The following TTC36 variants were observed in gnomAD, a reference collection of about 807,000 sequenced individuals.
The protein encoded by TTC36 is tetratricopeptide repeat domain 36, also known as tetratricopeptide repeat protein 36.
A neutral mutation model predicts 17.5 loss-of-function variants in TTC36; 15 were observed. The ratio of observed to expected loss-of-function variants is 0.86; its 90% CI spans 0.57 to 1.32. The LOEUF (loss-of-function observed/expected upper bound fraction) is 1.32. Among genes scored for constraint, TTC36 ranks in the 40% most tolerant of loss-of-function variants. TTC36 has a pLI of 0.00. For synonymous variants in TTC36, 112 were observed against 109.8 expected, an observed-to-expected ratio of 1.02 and a Z score of -0.13; for missense variants, 292 against 260.9, an observed-to-expected ratio of 1.12 and a Z score of -0.82.
Position 118,528,730 on chromosome 11 carries a change from T to C in TTC36, c.246T>C (p.Pro82=). Residue 82 remains proline, a synonymous_variant, in exon 2 of 3, where the codon CCT becomes CCC. Coordinates refer to ENST00000302783, the MANE Select transcript of TTC36 (RefSeq NM_001080441.4). Reference sequence around the variant, plus strand: ...TTGGCCAAGCCATCTGCCTGCTGCCTGAGAGGGCTTCAGCCTACAACAACC... The same window carrying C: ...TTGGCCAAGCCATCTGCCTGCTGCCCGAGAGGGCTTCAGCCTACAACAACC... ...ERFGQAICLL[P]ERASAYNNRA... 6.2e-7 allele frequency: 1 copy of C among 1,613,216 alleles called. No homozygotes were observed. Among genetic ancestry groups the C allele is most frequent in the Non-Finnish European group, 8.5e-7 (1 of 1,179,770 alleles).
At chr11:118,529,399 T>C (rs1296395753) in intron 2 of TTC36, among the ~76,000 whole-genome samples, 1 of 152,150 alleles carries the variant, frequency 6.6e-6, no homozygotes, top group Non-Finnish European at 1.5e-5. Flanking sequence ...GGGGTCAGCG[T>C]GGGACCTGTT....
chr11:118,528,519 C>A, intron 1 of TTC36, 84 bp from the exon 2 acceptor site: 1 of 1,419,796 alleles, frequency 7.0e-7, no homozygotes, highest in South Asian at 1.6e-5. Context: ...TGGCTCAGAT[C>A]TCAGAATTCC....
chr11:118,527,893 G>A (rs1555056161), intron 1 of TTC36: 1 of 525,182 alleles, frequency 1.9e-6, no homozygotes, highest in Non-Finnish European at 3.7e-6. Context: ...GCCAGGTGAT[G>A]TTAAACTCTC....
chr11:118,530,977 C>A lies in TTC36; in HGVS notation c.*61C>A. ...GGGACTGGGCCCTGAACCAATAAAG[C>A]CGTCGGGCCTCACCGACTCCGCCTG... On this transcript the variant is annotated 3_prime_UTR_variant, in exon 3 of 3. Coordinates refer to ENST00000302783, the MANE Select transcript of TTC36 (RefSeq NM_001080441.4). The surrounding 1 kb of genome is among the most constrained non-coding windows in gnomAD (Gnocchi z 5.8). 7.0e-7 allele frequency: 1 copy of A among 1,422,678 alleles called. No homozygotes were observed. 88.1% of individuals were successfully genotyped at this position (1,422,678 alleles called of 1,614,324 possible). A position where few individuals can be genotyped will look rare whatever the true frequency, so the allele number is the denominator to read the frequency against.
In TTC36 at chr11:118,528,767, C is replaced by T. The variant is rs201671031; in HGVS notation, c.283C>T (p.Arg95Trp). 15 of 1,610,808 alleles carry T rather than the reference C, an allele frequency of 9.3e-6. No homozygotes were observed. The highest frequency in any genetic ancestry group is 6.7e-5 in the East Asian group (3 of 44,860). The stretch of plus-strand genomic sequence containing the variant: ...AGCCTACAACAACCGTGCCCAGGCC[C>T]GGCGACTCCAGGGAGACGTGGCAGG... ...ASAYNNRAQA[R>W]RLQGDVAGAL... The change falls in exon 2 of 3, where the codon CGG becomes TGG. Residue 95 changes from arginine (R) to tryptophan (W), a missense_variant. Coordinates refer to ENST00000302783, the MANE Select transcript of TTC36 (RefSeq NM_001080441.4).
In TTC36 at chr11:118,530,205, G is replaced by A. The variant is rs1951183563; in HGVS notation, c.308-449G>A. Among the ~76,000 whole-genome samples the A allele has an allele frequency of 6.6e-6, 1 of 152,230 alleles. No individual in the cohort carries two copies. Among genetic ancestry groups the A allele is most frequent in the Admixed American group, 6.5e-5 (1 of 15,282 alleles). On this transcript the variant is annotated intron_variant, in intron 2 of 2. Coordinates refer to ENST00000302783, the MANE Select transcript of TTC36 (RefSeq NM_001080441.4). This position sits in a 1 kb window ranked among gnomAD's most constrained non-coding sequence, Gnocchi z 5.8. Reference sequence around the variant, plus strand: ...GATTGTACTTGTAAGAAATGATTGTGCGGTTAATATTATTTTTTGAACCCT... The same window carrying A: ...GATTGTACTTGTAAGAAATGATTGTACGGTTAATATTATTTTTTGAACCCT...
At chr11:118,528,452 T>A in intron 1 of TTC36, 151 bp from the exon 2 acceptor site, 1 of 684,612 alleles carries the variant, frequency 1.5e-6, no homozygotes, top group Non-Finnish European at 2.3e-6. Context: ...TGACCTCATC[T>A]CCCCCTACCC....
rs781967754 is a variant in TTC36 at position 118,528,751 on chromosome 11, C to G, written c.267C>G (p.Asn89Lys). 2 of 1,612,482 alleles carry G rather than the reference C, an allele frequency of 1.2e-6. No individual in the cohort carries two copies. Among genetic ancestry groups the G allele is most frequent in the South Asian group, 2.2e-5 (2 of 90,760 alleles). ...CLLPERASAY[N>K]NRAQARRLQG... Reference sequence around the variant, plus strand: ...TGCCTGAGAGGGCTTCAGCCTACAACAACCGTGCCCAGGCCCGGCGACTCC... The same window carrying G: ...TGCCTGAGAGGGCTTCAGCCTACAAGAACCGTGCCCAGGCCCGGCGACTCC... The change falls in exon 2 of 3, where the codon AAC becomes AAG. Residue 89 changes from asparagine (N) to lysine (K), a missense_variant. Coordinates refer to ENST00000302783, the MANE Select transcript of TTC36 (RefSeq NM_001080441.4).
chr11:118,530,897 G>A lies in TTC36; in HGVS notation c.551G>A (p.Arg184His), dbSNP rs1333015525. The part of the protein sequence containing the change: ...MLADMMGQLR[R>H]PRDSR ...GCCGACATGATGGGGCAGCTGCGCC[G>A]CCCCCGTGACAGCCGCTGAGCGCCG... The change falls in exon 3 of 3, where the codon CGC becomes CAC. Residue 184 changes from arginine (R) to histidine (H), a missense_variant. Coordinates refer to ENST00000302783, the MANE Select transcript of TTC36 (RefSeq NM_001080441.4). This position sits in a 1 kb window ranked among gnomAD's most constrained non-coding sequence, Gnocchi z 5.8. The A allele has an allele frequency of 6.7e-7, 1 of 1,503,588 alleles. No individual in the cohort carries two copies. The highest frequency in any genetic ancestry group is 8.8e-7 in the Non-Finnish European group (1 of 1,133,550). The allele number at this position is 1,503,588 out of a possible 1,614,324, so 93.1% of individuals were successfully genotyped here. A position where few individuals can be genotyped will look rare whatever the true frequency, so the allele number is the denominator to read the frequency against.
At position 118,530,923 on chromosome 11, in the gene TTC36, C is replaced by A; in HGVS notation, c.*7C>A. 6.7e-7 allele frequency: 1 copy of A among 1,486,754 alleles called. No homozygotes were observed. Among genetic ancestry groups the A allele is most frequent in the Non-Finnish European group, 8.9e-7 (1 of 1,127,924 alleles). 92.1% of individuals were successfully genotyped at this position (1,486,754 alleles called of 1,614,324 possible). A position where few individuals can be genotyped will look rare whatever the true frequency, so the allele number is the denominator to read the frequency against. On this transcript the variant is annotated 3_prime_UTR_variant, in exon 3 of 3. Transcript: ENST00000302783. The surrounding 1 kb of genome is among the most constrained non-coding windows in gnomAD (Gnocchi z 5.8). ...CCCCCGTGACAGCCGCTGAGCGCCG[C>A]GGACCCGGGCGTCCGCGGGCGAGGG... is the stretch of plus-strand genomic sequence containing the variant.
Position 118,527,494 on chromosome 11 carries a change from C to A in TTC36, c.-1C>A, listed in dbSNP as rs1591320411. The A allele has an allele frequency of 6.2e-7, 1 of 1,611,520 alleles. No individual in the cohort carries two copies. The highest frequency in any genetic ancestry group is 2.2e-5 in the East Asian group (1 of 44,862). On this transcript the variant is annotated 5_prime_UTR_variant, in exon 1 of 3. Coordinates refer to ENST00000302783, the MANE Select transcript of TTC36 (RefSeq NM_001080441.4). ...CTTTTGGGATTTTGGAGTTGAGCAC[C>A]ATGGGGACTCCAAATGATCAGGCAG...
intron 1 of TTC36, chr11:118,527,915 A>T: frequency 2.0e-6 from 1 of 491,456 alleles, no homozygotes; most frequent in South Asian, 1.5e-5. Flanking sequence ...CATTTTTGTC[A>T]TAACAGAGAA....
chr11:118,528,383 C>T (rs1310958485), intron 1 of TTC36, among the ~76,000 whole-genome samples: 1 of 152,122 alleles, frequency 6.6e-6, no homozygotes, highest in Non-Finnish European at 1.5e-5. Flanking sequence ...AATGGGGAAC[C>T]AACCAAGGCC....
Position 118,528,620 on chromosome 11 carries a change from G to A in TTC36, c.136G>A (p.Ala46Thr). 2 of 1,573,468 alleles carry A rather than the reference G, an allele frequency of 1.3e-6. No homozygotes were observed. Among genetic ancestry groups the A allele is most frequent in the Non-Finnish European group, 1.7e-6 (2 of 1,156,546 alleles). ...EREEDEVFPQ[A>T]QLEQSKALEL... is the part of the protein sequence containing the mutation. The stretch of plus-strand genomic sequence containing the variant: ...TGGCCCAGATGAAGTTTTCCCTCAA[G>A]CACAGCTGGAACAGTCCAAGGCCCT... Residue 46 changes from alanine (A) to threonine (T), a missense_variant, in exon 2 of 3, where the codon GCA becomes ACA. Coordinates refer to ENST00000302783, the MANE Select transcript of TTC36 (RefSeq NM_001080441.4).
chr11:118,528,524 A>T, intron 1 of TTC36, 79 bp from the exon 2 acceptor site: 1 of 1,441,360 alleles, frequency 6.9e-7, no homozygotes, highest in Non-Finnish European at 9.3e-7. Flanking sequence ...CAGATCTCAG[A>T]ATTCCAAAGC....
chr11:118,529,709 TTATCTGCC>T (rs1565326313), intron 2 of TTC36, among the ~76,000 whole-genome samples: 1 of 152,180 alleles, frequency 6.6e-6, no homozygotes, highest in East Asian at 1.9e-4. Flanking sequence ...TTATCCAGGC[TTATCTGCC>T]CCAGATCACT....
chr11:118,530,937 C>A lies in TTC36; in HGVS notation c.*21C>A, dbSNP rs1377833516. 1 of 1,481,116 alleles carries A rather than the reference C, an allele frequency of 6.8e-7. No individual in the cohort carries two copies. The highest frequency in any genetic ancestry group is 8.9e-7 in the Non-Finnish European group (1 of 1,125,688). The allele number at this position is 1,481,116 out of a possible 1,614,324, so 91.7% of individuals were successfully genotyped here. A position where few individuals can be genotyped will look rare whatever the true frequency, so the allele number is the denominator to read the frequency against. On this transcript the variant is annotated 3_prime_UTR_variant, in exon 3 of 3. Transcript: ENST00000302783. The surrounding 1 kb of genome is among the most constrained non-coding windows in gnomAD (Gnocchi z 5.8). Reference sequence around the variant, plus strand: ...GCTGAGCGCCGCGGACCCGGGCGTCCGCGGGCGAGGGGACGGGACTGGGCC... The same window carrying A: ...GCTGAGCGCCGCGGACCCGGGCGTCAGCGGGCGAGGGGACGGGACTGGGCC...
At position 118,530,979 on chromosome 11, in the gene TTC36, G is replaced by C. The variant is rs1951217476; in HGVS notation, c.*63G>C. 1 of 1,421,386 alleles carries C rather than the reference G, an allele frequency of 7.0e-7. No individual in the cohort carries two copies. Among genetic ancestry groups the C allele is most frequent in the East Asian group, 2.9e-5 (1 of 33,986 alleles). The allele number at this position is 1,421,386 out of a possible 1,614,324, so 88.0% of individuals were successfully genotyped here. A position where few individuals can be genotyped will look rare whatever the true frequency, so the allele number is the denominator to read the frequency against. On this transcript the variant is annotated 3_prime_UTR_variant, in exon 3 of 3. Transcript: ENST00000302783. The surrounding 1 kb of genome is among the most constrained non-coding windows in gnomAD (Gnocchi z 5.8). ...GACTGGGCCCTGAACCAATAAAGCCGTCGGGCCTCACCGACTCCGCCTGCT... is the reference window on the plus strand; with the variant it reads ...GACTGGGCCCTGAACCAATAAAGCCCTCGGGCCTCACCGACTCCGCCTGCT...
chr11:118,528,936 G>C, intron 2 of TTC36, 145 bp downstream of exon 2: 3 of 664,530 alleles, frequency 4.5e-6, no homozygotes, highest in Non-Finnish European at 7.2e-6. Flanking sequence ...AGTATCAGGG[G>C]ACCTGCTAAT....
Sources: allele counts gnomAD v4.1 joint callset (sites outside exome capture counted in the v4.1 genomes callset), GRCh38; gene constraint gnomAD v4.1.1; non-coding constraint Gnocchi (gnomAD v3.1); transcripts MANE v1.5; gene names NCBI Gene and HGNC (gene_info 2026-07-23, HGNC 2026-07-21).